The following KCNIP4 variants were observed in gnomAD, a reference collection of about 807,000 sequenced individuals.
KCNIP4 encodes potassium voltage-gated channel interacting protein 4.
In KCNIP4, 12 loss-of-function variants were observed where a neutral mutation model predicts 34.0. The observed-to-expected ratio is 0.35, with a 90% CI of 0.23 to 0.57. The LOEUF is 0.57. Among genes scored for constraint, KCNIP4 ranks in the 20% least tolerant of loss-of-function variants. KCNIP4 has a pLI of 0.83. For missense variants in KCNIP4, 238 were observed against 311.7 expected (o/e 0.76, Z 1.78); for synonymous variants, 124 against 102.2 (o/e 1.21, Z -1.29).
rs567625722 is a variant in KCNIP4, at chr4:21,820,354, C to G, written c.61+128217G>C. Reference sequence around the variant, plus strand: ...ATATACACATACACACACACACATACAGGCATGAAGTACTATAAACTTGAT... The same window carrying G: ...ATATACACATACACACACACACATAGAGGCATGAAGTACTATAAACTTGAT... On this transcript the variant is annotated intron_variant, in intron 1 of 8. Coordinates refer to ENST00000382152, the MANE Select transcript of KCNIP4 (RefSeq NM_025221.6). 1.1e-4 allele frequency among the ~76,000 whole-genome samples: 16 copies of G among 146,790 alleles called. No homozygotes were observed. In the Admixed American group the frequency reaches 1.1e-3, roughly 10 times the overall value.
intron 5 of KCNIP4, among the ~76,000 whole-genome samples, chr4:20,737,466 G>C (rs1749902769): frequency 6.6e-6 from 1 of 152,170 alleles, no homozygotes. Flanking sequence ...CTGTGCTCTT[G>C]AGAAGGTGGG....
At chr4:20,822,963 C>T (rs1298099973) in intron 3 of KCNIP4, among the ~76,000 whole-genome samples, 1 of 152,046 alleles carries the variant, frequency 6.6e-6, no homozygotes, top group African/African-American at 2.4e-5. Flanking sequence ...AATTTTTCCC[C>T]TCCGGAGGAT....
intron 1 of KCNIP4, among the ~76,000 whole-genome samples, chr4:21,018,449 C>G (rs1053766573): frequency 6.6e-6 from 1 of 152,192 alleles, no homozygotes; most frequent in South Asian, 2.1e-4. Context: ...CTCCTGTACT[C>G]CTGAATGTTT....
chr4:21,297,681 AC>A (rs1161608914), intron 1 of KCNIP4, among the ~76,000 whole-genome samples: 1 of 152,136 alleles, frequency 6.6e-6, no homozygotes, highest in East Asian at 1.9e-4. Flanking sequence ...GTTCTATGAA[AC>A]CTTGAAAAAT....
chr4:21,245,891 A>G (rs907683333), intron 1 of KCNIP4, among the ~76,000 whole-genome samples: 3 of 152,200 alleles, frequency 2.0e-5, no homozygotes, highest in African/African-American at 4.8e-5. Context: ...AAATTATTAC[A>G]TAAAAACTAG....
intron 1 of KCNIP4, among the ~76,000 whole-genome samples, chr4:21,712,401 G>T (rs1290835335): frequency 6.6e-6 from 1 of 152,158 alleles, no homozygotes; most frequent in African/African-American, 2.4e-5. Flanking sequence ...AACAGGATGG[G>T]GGGCGAGGAA....
chr4:21,720,064 AAG>A lies in KCNIP4; in HGVS notation c.61+228505_61+228506del, dbSNP rs1325052599. Reference sequence around the variant, plus strand: ...GAAGGAGAAGAGGAAAAAGAAGAAGAAGAAAAAAAAAACAGGGCTACTGCCAG... The same window carrying A: ...GAAGGAGAAGAGGAAAAAGAAGAAGAAAAAAAAAAACAGGGCTACTGCCAG... On this transcript the variant is annotated intron_variant, in intron 1 of 8. Coordinates refer to ENST00000382152, the MANE Select transcript of KCNIP4 (RefSeq NM_025221.6). Among the ~76,000 whole-genome samples, 307 of 134,102 alleles carry A rather than the reference AAG, an allele frequency of 2.3e-3. 1 individual carries two copies. The East Asian group carries it at 0.054, about 24-fold the overall frequency. 88.0% of individuals were successfully genotyped at this position (134,102 alleles called of 152,430 possible).
In KCNIP4 at chr4:21,731,321, C is replaced by T. The variant is rs1486858380; in HGVS notation, c.61+217250G>A. ...AAAGAGAGAGAGTGAGAGAGCTATA[C>T]ACAAACGATATAGCAGATTTCTCTC... On this transcript the variant is annotated intron_variant, in intron 1 of 8. Transcript: ENST00000382152. 2.6e-5 allele frequency among the ~76,000 whole-genome samples: 4 copies of T among 152,176 alleles called. No homozygotes were observed. The East Asian group carries it at 5.8e-4, about 22-fold the overall frequency.
chr4:21,704,399 A>G (rs138894932), intron 1 of KCNIP4, among the ~76,000 whole-genome samples: 6 of 152,266 alleles, frequency 3.9e-5, no homozygotes, highest in African/African-American at 1.2e-4. Flanking sequence ...CTCATCAGAG[A>G]CCCTGTCAAG....
Position 20,805,250 on chromosome 4 carries a change from G to A in KCNIP4, c.288+45293C>T, listed in dbSNP as rs1387187007. Among the ~76,000 whole-genome samples, 6 of 118,816 alleles carry A rather than the reference G, an allele frequency of 5.0e-5. No individual in the cohort carries two copies. In the East Asian group the frequency reaches 1.5e-3, roughly 30 times the overall value. 77.9% of individuals were successfully genotyped at this position (118,816 alleles called of 152,430 possible). ...AGGGTCTTTCTGTGTTGCTCAGACTGCTCTTGAACTCCTGGAGTAAAGAGA... is the reference window on the plus strand; with the variant it reads ...AGGGTCTTTCTGTGTTGCTCAGACTACTCTTGAACTCCTGGAGTAAAGAGA... On this transcript the variant is annotated intron_variant, in intron 3 of 8. Transcript: ENST00000382152.
intron 3 of KCNIP4, among the ~76,000 whole-genome samples, chr4:20,788,887 G>A (rs1364290539): frequency 6.6e-6 from 1 of 152,154 alleles, no homozygotes; most frequent in African/African-American, 2.4e-5. Context: ...GGAAGGAGGA[G>A]TTGATTATTG....
chr4:21,735,068 C>A (rs951640672), intron 1 of KCNIP4, among the ~76,000 whole-genome samples: 2 of 151,970 alleles, frequency 1.3e-5, no homozygotes, highest in Non-Finnish European at 2.9e-5. Context: ...CATGTTAAGT[C>A]CTGAGAAATT....
chr4:20,931,439 C>T (rs558329024), intron 1 of KCNIP4, among the ~76,000 whole-genome samples: 7 of 152,040 alleles, frequency 4.6e-5, no homozygotes, highest in East Asian at 1.9e-4. Flanking sequence ...TTACACAAGC[C>T]GAAATGGTAT....
At chr4:20,841,983 G>A (rs10002410) in intron 3 of KCNIP4, among the ~76,000 whole-genome samples, 56,093 of 151,636 alleles carry the variant, frequency 0.37, 10,795 homozygotes, top group Non-Finnish European at 0.43. Flanking sequence ...TTCTCTAGCC[G>A]CCCCATCGAA....
intron 1 of KCNIP4, among the ~76,000 whole-genome samples, chr4:21,821,945 T>C (rs750449659): frequency 5.3e-5 from 8 of 152,272 alleles, no homozygotes; most frequent in Non-Finnish European, 8.8e-5. Context: ...TGCTTTTCCA[T>C]AGGAGAAGCA....
intron 1 of KCNIP4, among the ~76,000 whole-genome samples, chr4:21,820,591 C>T (rs183252083): frequency 4.0e-5 from 6 of 150,122 alleles, no homozygotes; most frequent in Admixed American, 3.3e-4. Context: ...CCTTCCTCTG[C>T]CATTTTAATT....
At chr4:20,733,348 C>CT (rs1748809872) in intron 6 of KCNIP4, among the ~76,000 whole-genome samples, 1 of 152,086 alleles carries the variant, frequency 6.6e-6, no homozygotes, top group Non-Finnish European at 1.5e-5. Context: ...TTGTTATTAA[C>CT]TTTTTCTCTA....
At chr4:21,541,180 C>CAAAAA (rs60459395) in intron 1 of KCNIP4, among the ~76,000 whole-genome samples, 1,352 of 107,448 alleles carry the variant, frequency 0.013, 20 homozygotes, top group Non-Finnish European at 0.021. Context: ...CAAAAGAAAA[C>CAAAAA]AAAAAAAAAA....
chr4:20,936,700 C>T (rs1731102189), intron 1 of KCNIP4, among the ~76,000 whole-genome samples: 1 of 151,802 alleles, frequency 6.6e-6, no homozygotes, highest in South Asian at 2.1e-4. Context: ...TGTCTGTATC[C>T]TGAGCTCATC....
Sources: gnomAD v4.1 joint callset for allele counts (sites outside exome capture counted in the v4.1 genomes callset) on GRCh38, gnomAD v4.1.1 for gene constraint, MANE v1.5 for transcripts, NCBI Gene and HGNC (gene_info 2026-07-23, HGNC 2026-07-21) for gene names.